SLC12A8: variants seen among roughly 807,000 people sequenced by gnomAD.
The protein encoded by SLC12A8 is solute carrier family 12 member 8.
SLC12A8 carries 69 observed loss-of-function variants against 75.6 expected under a neutral mutation model. The ratio of observed to expected loss-of-function variants is 0.91; its 90% CI spans 0.75 to 1.11. The LOEUF (loss-of-function observed/expected upper bound fraction) is 1.11. Among genes scored for constraint, SLC12A8 ranks in the 50% most tolerant of loss-of-function variants. The pLI is 0.00. For synonymous variants in SLC12A8, 365 were observed against 372.8 expected (o/e 0.98, Z 0.24); for missense variants, 877 against 896.7 (o/e 0.98, Z 0.28).
intron 4 of SLC12A8, 100 bp from the exon 5 acceptor site, chr3:125,178,074 C>T (rs1318244154): frequency 1.3e-5 from 12 of 935,586 alleles, no homozygotes; most frequent in African/African-American, 3.3e-5. Context: ...CCATCGGACA[C>T]ACTCACTGGC....
intron 5 of SLC12A8, among the ~76,000 whole-genome samples, chr3:125,164,288 G>A (rs587856): frequency 0.69 from 104,765 of 152,170 alleles, 37,643 homozygotes; most frequent in East Asian, 0.77. Flanking sequence ...GCTGAGCCAC[G>A]GACTATGCAA....
chr3:125,103,151 G>A (rs1168645796), intron 10 of SLC12A8, among the ~76,000 whole-genome samples: 2 of 152,230 alleles, frequency 1.3e-5, no homozygotes, highest in South Asian at 4.2e-4. Flanking sequence ...GTGTGGAAAT[G>A]GAATTTGAAG....
chr3:125,176,299 G>A (rs1404457470), intron 5 of SLC12A8, among the ~76,000 whole-genome samples: 1 of 152,118 alleles, frequency 6.6e-6, no homozygotes, highest in African/African-American at 2.4e-5. Context: ...TCAAACTCCT[G>A]ACTTCAGGTG....
chr3:125,179,762 C>T (rs1402345630), intron 4 of SLC12A8, among the ~76,000 whole-genome samples: 1 of 151,864 alleles, frequency 6.6e-6, no homozygotes, highest in African/African-American at 2.4e-5. Context: ...TAATGTTTTC[C>T]TGCATTCATC....
At chr3:125,152,056 T>C (rs1330969255) in intron 5 of SLC12A8, among the ~76,000 whole-genome samples, 1 of 152,238 alleles carries the variant, frequency 6.6e-6, no homozygotes, top group African/African-American at 2.4e-5. Flanking sequence ...CCAGTATTTC[T>C]TCCCTGATAA....
At chr3:125,183,652 C>T (rs1449760077) in intron 4 of SLC12A8, among the ~76,000 whole-genome samples, 1 of 152,146 alleles carries the variant, frequency 6.6e-6, no homozygotes, top group Non-Finnish European at 1.5e-5. Context: ...TAAAAACTTT[C>T]CAGTCATTCA....
At position 125,211,363 on chromosome 3, in the gene SLC12A8, G is replaced by A; in HGVS notation, c.-14C>T. 1 of 1,613,096 alleles carries A rather than the reference G, an allele frequency of 6.2e-7. No individual in the cohort carries two copies. Reference sequence around the variant, plus strand: ...CATCTGGGTCATTCTCCAGCAAGCAGGGATCCTGGTGATCTGGACAGGGAG... The same window carrying A: ...CATCTGGGTCATTCTCCAGCAAGCAAGGATCCTGGTGATCTGGACAGGGAG... On this transcript the variant is annotated 5_prime_UTR_variant, in exon 2 of 14. Coordinates refer to ENST00000469902, the MANE Select transcript of SLC12A8 (RefSeq NM_024628.6).
intron 13 of SLC12A8, among the ~76,000 whole-genome samples, chr3:125,087,577 T>C (rs1461441940): frequency 6.6e-6 from 1 of 151,906 alleles, no homozygotes; most frequent in African/African-American, 2.4e-5. Flanking sequence ...AAATGAACAC[T>C]CGGTTGGGTT....
chr3:125,108,800 G>A (rs1293877098), intron 9 of SLC12A8, among the ~76,000 whole-genome samples: 2 of 152,202 alleles, frequency 1.3e-5, no homozygotes, highest in African/African-American at 2.4e-5. Flanking sequence ...TCTTCCCAGG[G>A]AGAGGCAGAT....
intron 4 of SLC12A8, among the ~76,000 whole-genome samples, chr3:125,182,786 G>C (rs1044966790): frequency 6.6e-6 from 1 of 152,126 alleles, no homozygotes; most frequent in South Asian, 2.1e-4. Context: ...GATTACAGGC[G>C]TGAGCCACCG....
At chr3:125,189,867 C>A (rs933788579) in intron 3 of SLC12A8, among the ~76,000 whole-genome samples, 1 of 152,146 alleles carries the variant, frequency 6.6e-6, no homozygotes, top group African/African-American at 2.4e-5. Flanking sequence ...GGGAGATGAA[C>A]TGACCCCCAG....
intron 5 of SLC12A8, among the ~76,000 whole-genome samples, chr3:125,161,293 A>G (rs1380555832): frequency 2.0e-5 from 3 of 152,262 alleles, no homozygotes; most frequent in African/African-American, 7.2e-5. Context: ...CTAGAACTGG[A>G]AAAGCCTGAT....
chr3:125,092,467 ACTGGAAGC>A (rs1161996970), intron 10 of SLC12A8, among the ~76,000 whole-genome samples: 3 of 152,170 alleles, frequency 2.0e-5, no homozygotes, highest in Admixed American at 6.5e-5. Flanking sequence ...ATCTGGGGCA[ACTGGAAGC>A]TCAGCTCTCC....
chr3:125,140,606 T>A (rs1322979556), intron 5 of SLC12A8, among the ~76,000 whole-genome samples: 2 of 152,194 alleles, frequency 1.3e-5, no homozygotes, highest in Non-Finnish European at 2.9e-5. Context: ...GGACACAGCC[T>A]GTCCTGGACC....
chr3:125,133,862 CA>C (rs1295704792), intron 6 of SLC12A8, among the ~76,000 whole-genome samples: 11 of 152,130 alleles, frequency 7.2e-5, no homozygotes, highest in African/African-American at 2.7e-4. Flanking sequence ...CACAAGCCAC[CA>C]CGCCAGGCCA....
chr3:125,134,959 A>G (rs1311367255), intron 6 of SLC12A8, among the ~76,000 whole-genome samples: 1 of 152,236 alleles, frequency 6.6e-6, no homozygotes, highest in Non-Finnish European at 1.5e-5. Flanking sequence ...GGACAAGCCC[A>G]GTCACTAGCA....
Position 125,145,788 on chromosome 3 carries a change from G to A in SLC12A8, c.623-10006C>T, listed in dbSNP as rs1457001654. On this transcript the variant is annotated intron_variant, in intron 5 of 13. Coordinates refer to ENST00000469902, the MANE Select transcript of SLC12A8 (RefSeq NM_024628.6). ...ATATTATAATAAAAGTTTTATGAAT[G>A]TGGTCTCTCTCCCTCATCTCAAAAT... Among the ~76,000 whole-genome samples the A allele has an allele frequency of 2.6e-5, 4 of 152,282 alleles. No individual in the cohort carries two copies. In the East Asian group the frequency reaches 7.7e-4, roughly 29 times the overall value.
chr3:125,205,428 C>A (rs1384728856), intron 2 of SLC12A8, among the ~76,000 whole-genome samples: 1 of 152,010 alleles, frequency 6.6e-6, no homozygotes, highest in Non-Finnish European at 1.5e-5. Flanking sequence ...CTAGGTGGGA[C>A]ACTTTTATCC....
At chr3:125,155,444 T>C (rs866557495) in intron 5 of SLC12A8, among the ~76,000 whole-genome samples, 4 of 152,124 alleles carry the variant, frequency 2.6e-5, no homozygotes, top group South Asian at 2.1e-4. Flanking sequence ...GGAATTGATG[T>C]AGACATCTGA....
Sources: gnomAD v4.1 joint callset for allele counts (sites outside exome capture counted in the v4.1 genomes callset) on GRCh38, gnomAD v4.1.1 for gene constraint, MANE v1.5 for transcripts, NCBI Gene and HGNC (gene_info 2026-07-23, HGNC 2026-07-21) for gene names.